Variants in TCERG1L observed in about 807,000 individuals in gnomAD.
The protein encoded by TCERG1L is transcription elongation regulator 1-like protein.
Under a neutral mutation model 56.3 loss-of-function variants are expected in TCERG1L, and 37 were observed. That is an observed-to-expected ratio of 0.66 (90% CI 0.51 to 0.87). The LOEUF (loss-of-function observed/expected upper bound fraction) is 0.87, where lower values mean the gene tolerates loss of function less well. TCERG1L is among the 40% of genes least tolerant of loss of function. TCERG1L has a pLI of 0.00. For synonymous variants in TCERG1L, 324 were observed against 326.3 expected, an observed-to-expected ratio of 0.99 and a Z score of 0.08; for missense variants, 799 against 774.2, an observed-to-expected ratio of 1.03 and a Z score of -0.38.
At chr10:131,298,701 A>G (rs1215243150) in intron 3 of TCERG1L, among the ~76,000 whole-genome samples, 1 of 152,246 alleles carries the variant, frequency 6.6e-6, no homozygotes, top group Non-Finnish European at 1.5e-5. Flanking sequence ...GGCATGAGCC[A>G]CGGCGTCCAG....
At position 131,093,002 on chromosome 10, in the gene TCERG1L, T is replaced by C. The variant is rs1845195875; in HGVS notation, c.*160A>G. ...ATGTACAAAAGAGAGAGCTTCAATA[T>C]GAAACAGTAATCCTCTGAGAACGAA... On this transcript the variant is annotated 3_prime_UTR_variant, in exon 12 of 12. Transcript: ENST00000368642. The C allele has an allele frequency of 7.9e-6, 5 of 629,818 alleles. No homozygotes were observed. The highest frequency in any genetic ancestry group is 1.3e-5 in the Non-Finnish European group (5 of 373,200). 39.0% of individuals were successfully genotyped at this position (629,818 alleles called of 1,614,324 possible).
chr10:131,169,040 C>T (rs1396784789), intron 4 of TCERG1L, among the ~76,000 whole-genome samples: 1 of 152,188 alleles, frequency 6.6e-6, no homozygotes, highest in Non-Finnish European at 1.5e-5. Flanking sequence ...TTTACTGTCA[C>T]TCAGGAAGAG....
intron 6 of TCERG1L, 69 bp from the exon 7 acceptor site, chr10:131,146,729 C>CTTTT: frequency 6.6e-7 from 1 of 1,516,830 alleles, no homozygotes; most frequent in Non-Finnish European, 8.9e-7. Context: ...TTAGCATGAA[C>CTTTT]TCTCACTGAA....
rs1846210619 is a variant in TCERG1L, at chr10:131,259,504, T to TG, written c.856+754dup. Among the ~76,000 whole-genome samples, 3 of 152,340 alleles carry TG rather than the reference T, an allele frequency of 2.0e-5. No individual in the cohort carries two copies. In the East Asian group the frequency reaches 5.8e-4, roughly 29 times the overall value. On this transcript the variant is annotated intron_variant, in intron 4 of 11. Coordinates refer to ENST00000368642, the MANE Select transcript of TCERG1L (RefSeq NM_174937.4). Reference sequence around the variant, plus strand: ...GAAACACGCATTTCACAAGGATGTCTGGGTCACGAAGCGTGCAGGTTACAG... The same window carrying TG: ...GAAACACGCATTTCACAAGGATGTCTGGGGTCACGAAGCGTGCAGGTTACAG...
At position 131,260,135 on chromosome 10, in the gene TCERG1L, C is replaced by G; in HGVS notation, c.856+124G>C. ...CCCAAACGGCCCCAGCCGAATGTTT[C>G]CCTCAACCGGAGCCGGGCTTCAGGT... is the stretch of plus-strand genomic sequence containing the variant. On this transcript the variant is annotated intron_variant, in intron 4 of 11. Transcript: ENST00000368642. This position sits in a 1 kb window ranked among gnomAD's most constrained non-coding sequence, Gnocchi z 5.8. 8.1e-7 allele frequency: 1 copy of G among 1,234,750 alleles called. No individual in the cohort carries two copies. The highest frequency in any genetic ancestry group is 1.0e-6 in the Non-Finnish European group (1 of 989,562). 76.5% of individuals were successfully genotyped at this position (1,234,750 alleles called of 1,614,324 possible). A position where few individuals can be genotyped will look rare whatever the true frequency, so the allele number is the denominator to read the frequency against.
chr10:131,117,986 C>T (rs887099847), intron 8 of TCERG1L, among the ~76,000 whole-genome samples: 3 of 152,244 alleles, frequency 2.0e-5, no homozygotes, highest in East Asian at 3.9e-4. Context: ...GGCTGCCACC[C>T]GCCCCTCAGG....
At chr10:131,245,583 G>T (rs549394898) in intron 4 of TCERG1L, among the ~76,000 whole-genome samples, 1 of 152,142 alleles carries the variant, frequency 6.6e-6, no homozygotes, top group Non-Finnish European at 1.5e-5. Context: ...CGCAGCTCAC[G>T]GTCCTCCCTG....
chr10:131,101,240 C>A (rs1008003721), intron 10 of TCERG1L, among the ~76,000 whole-genome samples: 2 of 152,188 alleles, frequency 1.3e-5, no homozygotes, highest in African/African-American at 4.8e-5. Flanking sequence ...GCCCATGTCC[C>A]CCAGACATCA....
intron 6 of TCERG1L, among the ~76,000 whole-genome samples, chr10:131,152,425 C>T (rs1233289548): frequency 1.3e-5 from 2 of 152,194 alleles, no homozygotes; most frequent in Non-Finnish European, 2.9e-5. Flanking sequence ...CATCTGAGAC[C>T]ACCTCAGCCT....
chr10:131,113,394 G>A (rs1469047602), intron 9 of TCERG1L, among the ~76,000 whole-genome samples: 2 of 141,868 alleles, frequency 1.4e-5, no homozygotes, highest in Non-Finnish European at 3.2e-5. Flanking sequence ...AAGCTCCTGG[G>A]AGGCAGAGTT....
intron 4 of TCERG1L, among the ~76,000 whole-genome samples, chr10:131,188,537 T>A (rs1263445318): frequency 3.9e-5 from 6 of 152,212 alleles, no homozygotes; most frequent in African/African-American, 1.4e-4. Flanking sequence ...AAATCCTAAT[T>A]TATACATTTC....
intron 6 of TCERG1L, among the ~76,000 whole-genome samples, chr10:131,151,430 A>G (rs1369647902): frequency 1.3e-5 from 2 of 152,214 alleles, no homozygotes; most frequent in Non-Finnish European, 2.9e-5. Context: ...TACGGCAGTC[A>G]TTAAGCCTTA....
chr10:131,154,742 A>T lies in TCERG1L; in HGVS notation c.1035-8082T>A, dbSNP rs183587748. Among the ~76,000 whole-genome samples the T allele has an allele frequency of 1.3e-3, 201 of 152,288 alleles. No individual in the cohort carries two copies. In the Middle Eastern group the frequency reaches 0.014, roughly 10 times the overall value. ...CCCTCTTGAGTAGGTTCTCCAGCCC[A>T]GCCGTGTCTGGCCATGGTTGCCACC... On this transcript the variant is annotated intron_variant, in intron 6 of 11. Transcript: ENST00000368642.
In TCERG1L at chr10:131,308,323, A is replaced by G. The variant is rs1458099391; in HGVS notation, c.558T>C (p.His186=). The G allele has an allele frequency of 3.1e-6, 5 of 1,613,928 alleles. No homozygotes were observed. The highest frequency in any genetic ancestry group is 4.2e-6 in the Non-Finnish European group (5 of 1,179,908). Residue 186 remains histidine, a synonymous_variant, in exon 3 of 12, where the codon CAT becomes CAC. Coordinates refer to ENST00000368642, the MANE Select transcript of TCERG1L (RefSeq NM_174937.4). The part of the protein sequence containing the change: ...WIHPEESRFF[H]GHEKPRLLAN... The stretch of plus-strand genomic sequence containing the variant: ...CCAGCAAACGAGGCTTTTCATGCCC[A>G]TGGAAAAACCTTGACTCCTCAGGAT...
chr10:131,281,265 G>A (rs1305378646), intron 3 of TCERG1L, among the ~76,000 whole-genome samples: 1 of 152,168 alleles, frequency 6.6e-6, no homozygotes, highest in Non-Finnish European at 1.5e-5. Context: ...CGGCGGCCTT[G>A]CAGCTGAGCA....
At position 131,260,325 on chromosome 10, in the gene TCERG1L, C is replaced by T. The variant is rs144481929; in HGVS notation, c.790G>A (p.Val264Met). ...ENLRGPSPSS[V>M]QPRHFLTLAP... ...AAGGTCAGGAAGTGGCGCGGCTGCA[C>T]GCTGGAGGGGGACGGGCCCCGGAGG... The change falls in exon 4 of 12, where the codon GTG becomes ATG. Residue 264 changes from valine to methionine, a missense_variant. Transcript: ENST00000368642. This position sits in a 1 kb window ranked among gnomAD's most constrained non-coding sequence, Gnocchi z 5.8. 6.0e-5 allele frequency: 87 copies of T among 1,458,182 alleles called. No individual in the cohort carries two copies. The highest frequency in any genetic ancestry group is 1.2e-4 in the South Asian group (8 of 65,486). 90.3% of individuals were successfully genotyped at this position (1,458,182 alleles called of 1,614,324 possible). A position where few individuals can be genotyped will look rare whatever the true frequency, so the allele number is the denominator to read the frequency against.
At chr10:131,109,307 C>T (rs553659836) in intron 9 of TCERG1L, among the ~76,000 whole-genome samples, 7 of 152,316 alleles carry the variant, frequency 4.6e-5, no homozygotes, top group African/African-American at 1.7e-4. Context: ...CGCTGTACAT[C>T]GTCACATCAC....
chr10:131,306,911 G>A (rs778591465), intron 3 of TCERG1L, among the ~76,000 whole-genome samples: 3 of 152,154 alleles, frequency 2.0e-5, no homozygotes, highest in Admixed American at 6.5e-5. Context: ...ATTATACTCA[G>A]GGGTGAACTG....
intron 6 of TCERG1L, among the ~76,000 whole-genome samples, chr10:131,156,896 A>G (rs1650459598): frequency 6.6e-6 from 1 of 152,118 alleles, no homozygotes; most frequent in Non-Finnish European, 1.5e-5. Context: ...CCCCTGGCCG[A>G]ATAAACCCCT....
Sources: gnomAD v4.1 joint callset for allele counts (sites outside exome capture counted in the v4.1 genomes callset) on GRCh38, gnomAD v4.1.1 for gene constraint, Gnocchi (gnomAD v3.1) non-coding constraint, MANE v1.5 for transcripts, NCBI Gene and HGNC (gene_info 2026-07-23, HGNC 2026-07-21) for gene names.